The following SQSTM1 variants were observed in gnomAD, a reference collection of about 807,000 sequenced individuals.
SQSTM1 encodes sequestosome 1, also known as sequestosome-1.
Under a neutral mutation model 45.1 loss-of-function variants are expected in SQSTM1, and 36 were observed. The observed-to-expected ratio is 0.80, with a 90% confidence interval of 0.61 to 1.05. The LOEUF (loss-of-function observed/expected upper bound fraction) is 1.05, where lower values mean the gene tolerates loss of function less well. Among genes scored for constraint, SQSTM1 ranks in the 50% least tolerant of loss-of-function variants. The pLI, the probability that SQSTM1 is intolerant of heterozygous loss-of-function variation, is 0.00. For synonymous variants in SQSTM1, 290 were observed against 244.3 expected (o/e 1.19, Z -1.74); for missense variants, 617 against 607.1 (o/e 1.02, Z -0.17).
At chr5:179,834,156 A>AAG (rs745750260) in intron 7 of SQSTM1, among the ~76,000 whole-genome samples, 1 of 99,942 alleles carries the variant, frequency 1.0e-5, no homozygotes, top group Non-Finnish European at 2.0e-5. Flanking sequence ...CTGGTCTGAG[A>AAG]GGGGGGGGGG....
chr5:179,821,493 C>CGCGGGCACTGGGTGGTCAG, intron 1 of SQSTM1: 1 of 529,388 alleles, frequency 1.9e-6, no homozygotes, highest in Admixed American at 2.2e-5. Flanking sequence ...TCTGGCTCTC[C>CGCGGGCACTGGGTGGTCAG]GCGGGCACTG....
intron 5 of SQSTM1, among the ~76,000 whole-genome samples, chr5:179,827,436 C>A (rs1047713302): frequency 6.6e-6 from 1 of 152,206 alleles, no homozygotes; most frequent in African/African-American, 2.4e-5. Context: ...AGGCGCCCAC[C>A]ACCACGCCCG....
Position 179,837,529 on chromosome 5 carries a change from C to G in SQSTM1, c.*936C>G, listed in dbSNP as rs1561611802. On this transcript the variant is annotated 3_prime_UTR_variant, in exon 8 of 8. Coordinates refer to ENST00000389805, the MANE Select transcript of SQSTM1 (RefSeq NM_003900.5). ...CGTCCCATGAGGTCTTCCCGCAAGG[C>G]CTCTCAGACCCAGATGTGACGGGGT... 3 of 1,614,112 alleles carry G rather than the reference C, an allele frequency of 1.9e-6. No individual in the cohort carries two copies. The South Asian group carries it at 3.3e-5, about 18-fold the overall frequency.
Position 179,837,625 on chromosome 5 carries a change from G to A in SQSTM1, c.*1032G>A. 6.2e-7 allele frequency: 1 copy of A among 1,614,194 alleles called. No individual in the cohort carries two copies. The highest frequency in any genetic ancestry group is 8.5e-7 in the Non-Finnish European group (1 of 1,180,042). ...CTTCTCTTGAGGCCTGTGCTCTGGGGGTCCCTTGCTTAGCCTGTGCTGGAC... is the reference window on the plus strand; with the variant it reads ...CTTCTCTTGAGGCCTGTGCTCTGGGAGTCCCTTGCTTAGCCTGTGCTGGAC... On this transcript the variant is annotated 3_prime_UTR_variant, in exon 8 of 8. Transcript: ENST00000389805.
Position 179,836,643 on chromosome 5 carries a change from GT to G in SQSTM1, c.*52del, listed in dbSNP as rs751702490. The G allele has an allele frequency of 6.2e-7, 1 of 1,613,646 alleles. No homozygotes were observed. Among genetic ancestry groups the G allele is most frequent in the Admixed American group, 1.7e-5 (1 of 60,022 alleles). ...TGCCCCTCTTCTGTCTCATAGTTGTGTTAAGCTTGCGTAGAATTGCAGGTCT... is the reference window on the plus strand; with the variant it reads ...TGCCCCTCTTCTGTCTCATAGTTGTGTAAGCTTGCGTAGAATTGCAGGTCT... On this transcript the variant is annotated 3_prime_UTR_variant, in exon 8 of 8. Transcript: ENST00000389805.
rs886060505 is a variant in SQSTM1 at position 179,836,852 on chromosome 5, G to A, written c.*259G>A. 13 of 639,558 alleles carry A rather than the reference G, an allele frequency of 2.0e-5. No individual in the cohort carries two copies. Among genetic ancestry groups the A allele is most frequent in the East Asian group, 1.1e-4 (4 of 36,826 alleles). 39.6% of individuals were successfully genotyped at this position (639,558 alleles called of 1,614,324 possible). A position where few individuals can be genotyped will look rare whatever the true frequency, so the allele number is the denominator to read the frequency against. On this transcript the variant is annotated 3_prime_UTR_variant, in exon 8 of 8. Coordinates refer to ENST00000389805, the MANE Select transcript of SQSTM1 (RefSeq NM_003900.5). ...TGCGAGACCCAAGGCTCACTGCAGC[G>A]CGCTCCTGACCCCTCCCTGCAGGGG...
rs1194274800 is a variant in SQSTM1, at chr5:179,833,085, C to T, written c.808C>T (p.Pro270Ser). The change falls in exon 6 of 8, where the codon CCC (proline) becomes TCC (serine). Residue 270 changes from proline (P) to serine (S), a missense_variant. Physicochemically the swap from Pro to Ser is moderately conservative, Grantham distance 74 (BLOSUM62 -1). Coordinates refer to ENST00000389805, the MANE Select transcript of SQSTM1 (RefSeq NM_003900.5). Reference sequence around the variant, plus strand: ...CGGAGGGAAAAGAAGCCGCCTGACCCCCGTCTCTCCAGAGAGTTCCAGCAC... The same window carrying T: ...CGGAGGGAAAAGAAGCCGCCTGACCTCCGTCTCTCCAGAGAGTTCCAGCAC... ...EHGGKRSRLT[P>S]VSPESSSTEE... 5.6e-6 allele frequency: 9 copies of T among 1,614,068 alleles called. No homozygotes were observed. The Admixed American group carries it at 1.3e-4, about 24-fold the overall frequency.
chr5:179,834,879 C>A (rs529913656), intron 7 of SQSTM1, among the ~76,000 whole-genome samples: 25 of 152,362 alleles, frequency 1.6e-4, no homozygotes, highest in Middle Eastern at 3.4e-3. Flanking sequence ...TCCACAAAGC[C>A]GCCATTGTCA....
upstream of SQSTM1, chr5:179,819,090 G>C (rs1757671622): frequency 6.6e-6 from 1 of 152,608 alleles, no homozygotes; most frequent in Admixed American, 6.5e-5. Context: ...CCCCTATTAC[G>C]ACAGCGGTCA....
At chr5:179,835,429 AT>A (rs1162762896) in intron 7 of SQSTM1, 2 of 155,882 alleles carry the variant, frequency 1.3e-5, no homozygotes, top group Non-Finnish European at 2.8e-5. Flanking sequence ...TCCGTCTGCA[AT>A]CCCGGCACCT....
intron 1 of SQSTM1, among the ~76,000 whole-genome samples, chr5:179,810,027 G>C (rs1037030800): frequency 6.6e-6 from 1 of 151,942 alleles, no homozygotes; most frequent in Non-Finnish European, 1.5e-5. Flanking sequence ...CAGGTGATCT[G>C]CTCACTTTGG....
rs1305682444 is a variant in SQSTM1 at position 179,837,399 on chromosome 5, C to T, written c.*806C>T. ...AACCTGCCAGTCCCAGATCACACAT[C>T]ATCATCGAAGTCTTCCCCAGTTATA... On this transcript the variant is annotated 3_prime_UTR_variant, in exon 8 of 8. Coordinates refer to ENST00000389805, the MANE Select transcript of SQSTM1 (RefSeq NM_003900.5). 6.3e-7 allele frequency: 1 copy of T among 1,590,406 alleles called. No individual in the cohort carries two copies. Among genetic ancestry groups the T allele is most frequent in the African/African-American group, 1.3e-5 (1 of 74,248 alleles).
chr5:179,832,028 C>T (rs1758250252), intron 5 of SQSTM1, among the ~76,000 whole-genome samples: 2 of 152,158 alleles, frequency 1.3e-5, no homozygotes, highest in Admixed American at 1.3e-4. Context: ...CGTGATCCGC[C>T]CGCCTCGGCC....
rs1757759608 is a variant in SQSTM1, at chr5:179,821,155, G to T, written c.205+14G>T. 2.3e-6 allele frequency: 3 copies of T among 1,330,898 alleles called. No individual in the cohort carries two copies. Among genetic ancestry groups the T allele is most frequent in the Non-Finnish European group, 2.9e-6 (3 of 1,045,758 alleles). The allele number at this position is 1,330,898 out of a possible 1,614,324, so 82.4% of individuals were successfully genotyped here. On this transcript the variant is annotated intron_variant, in intron 1 of 7. Transcript: ENST00000389805. ...CGCACTACCGCGGTGAGCGGGCCGG[G>T]GAGCGGCGGGGGCGGTGACGCAGGC...
chr5:179,820,209 G>A (rs949333605), upstream of SQSTM1: 2 of 152,422 alleles, frequency 1.3e-5, no homozygotes, highest in African/African-American at 4.8e-5. Flanking sequence ...CCCATAAGGA[G>A]TCACTTGGAC....
At chr5:179,817,324 C>T (rs1377113215), upstream of SQSTM1, among the ~76,000 whole-genome samples, 1 of 152,192 alleles carries the variant, frequency 6.6e-6, no homozygotes, top group Non-Finnish European at 1.5e-5. Context: ...CACCGCCGGG[C>T]GTTCGTCCTC....
chr5:179,823,442 C>T lies in SQSTM1; in HGVS notation c.301+389C>T, dbSNP rs77729517. 93 of 79,686 alleles carry T rather than the reference C, an allele frequency of 1.2e-3. 1 individual carries two copies. The East Asian group carries it at 0.02, about 17-fold the overall frequency. The allele number at this position is 79,686 out of a possible 1,614,324, so 4.9% of individuals were successfully genotyped here. A position where few individuals can be genotyped will look rare whatever the true frequency, so the allele number is the denominator to read the frequency against. On this transcript the variant is annotated intron_variant, in intron 2 of 7. Coordinates refer to ENST00000389805, the MANE Select transcript of SQSTM1 (RefSeq NM_003900.5). ...TCACATGACTGTACTCCAGCCTAGGCGACAAAAAAAAAAAAAAAAAAAAAA... is the reference window on the plus strand; with the variant it reads ...TCACATGACTGTACTCCAGCCTAGGTGACAAAAAAAAAAAAAAAAAAAAAA...
Position 179,821,040 on chromosome 5 carries a change from C to G in SQSTM1, c.104C>G (p.Ala35Gly). Residue 35 changes from alanine (A) to glycine (G), a missense_variant, in exon 1 of 8, where the codon GCC (alanine) becomes GGC (glycine). Physicochemically the swap from Ala to Gly is moderately conservative, Grantham distance 60. Transcript: ENST00000389805. ...FCCSPEPEAE[A>G]EAAAGPGPCE... ...TGCAGCCCCGAGCCTGAGGCGGAAG[C>G]CGAGGCTGCGGCGGGTCCGGGACCC... 5 of 1,550,102 alleles carry G rather than the reference C, an allele frequency of 3.2e-6. No individual in the cohort carries two copies. The highest frequency in any genetic ancestry group is 4.3e-6 in the Non-Finnish European group (5 of 1,157,594).
chr5:179,833,601 G>GGATAACTGTTCAGGAGGAGAT lies in SQSTM1; in HGVS notation c.988_1008dup (p.Asn330_Asp336dup). The GGATAACTGTTCAGGAGGAGAT allele has an allele frequency of 6.2e-7, 1 of 1,614,142 alleles. No homozygotes were observed. The highest frequency in any genetic ancestry group is 8.5e-7 in the Non-Finnish European group (1 of 1,180,026). ...TTTTGTTCCAGGAACAGATGGAGTC[G>GGATAACTGTTCAGGAGGAGAT]GATAACTGTTCAGGAGGAGATGATG... is the stretch of plus-strand genomic sequence containing the variant. On this transcript the variant is annotated inframe_insertion, in exon 7 of 8. Transcript: ENST00000389805.
Sources: allele counts gnomAD v4.1 joint callset (sites outside exome capture counted in the v4.1 genomes callset), GRCh38; gene constraint gnomAD v4.1.1; transcripts MANE v1.5; gene names NCBI Gene and HGNC (gene_info 2026-07-23, HGNC 2026-07-21).